The following GABRB2 variants were observed in gnomAD, a reference collection of about 807,000 sequenced individuals.
GABRB2 encodes gamma-aminobutyric acid type A receptor subunit beta2.
GABRB2 carries 16 observed loss-of-function variants against 54.7 expected under a neutral mutation model. The ratio of observed to expected loss-of-function variants is 0.29; its 90% CI spans 0.20 to 0.44. The LOEUF (loss-of-function observed/expected upper bound fraction) is 0.44. GABRB2 is among the 20% of genes least tolerant of loss of function. The probability of loss-of-function intolerance (pLI) is 1.00; values close to 1 mark genes in which losing one functional copy is unlikely to be tolerated. For synonymous variants in GABRB2, 244 were observed against 233.8 expected, an observed-to-expected ratio of 1.04 and a Z score of -0.40; for missense variants, 355 against 644.0, an observed-to-expected ratio of 0.55 and a Z score of 4.86.
chr5:161,546,529 A>C (rs1280846917), intron 1 of GABRB2, 38 bp downstream of exon 1: 7 of 1,582,160 alleles, frequency 4.4e-6, no homozygotes, highest in Non-Finnish European at 6.0e-6. Flanking sequence ...GAACCCTTCA[A>C]AGTGAGAACG....
At position 161,429,345 on chromosome 5, in the gene GABRB2, C is replaced by CAAAAAA. The variant is rs770848428; in HGVS notation, c.459-18294_459-18289dup. ...TGGGCGATAGAGCAAGAATCCGTCT[C>CAAAAAA]AAAAAAAAAAAAAGAAAAAGAAAAA... On this transcript the variant is annotated intron_variant, in intron 4 of 9. Coordinates refer to ENST00000393959, the MANE Select transcript of GABRB2 (RefSeq NM_001371727.1). Among the ~76,000 whole-genome samples the CAAAAAA allele has an allele frequency of 4.1e-4, 13 of 31,424 alleles. 1 individual carries two copies. Among genetic ancestry groups the CAAAAAA allele is most frequent in the East Asian group, 2.5e-3 (2 of 804 alleles). The allele number at this position is 31,424 out of a possible 152,430, so 20.6% of individuals were successfully genotyped here. A position where few individuals can be genotyped will look rare whatever the true frequency, so the allele number is the denominator to read the frequency against.
chr5:161,410,388 T>TCACACACACACACACA (rs1491564761), intron 5 of GABRB2, among the ~76,000 whole-genome samples: 1 of 149,626 alleles, frequency 6.7e-6, no homozygotes, highest in Admixed American at 6.6e-5. Context: ...TAAACAGAAT[T>TCACACACACACACACA]CTCACACACA....
At chr5:161,339,576 T>C (rs1347276981) in intron 5 of GABRB2, among the ~76,000 whole-genome samples, 1 of 152,094 alleles carries the variant, frequency 6.6e-6, no homozygotes, top group Non-Finnish European at 1.5e-5. Flanking sequence ...AAAAAGATAA[T>C]GATAGCAATT....
At chr5:161,321,488 G>A (rs865836021) in intron 9 of GABRB2, among the ~76,000 whole-genome samples, 1 of 151,986 alleles carries the variant, frequency 6.6e-6, no homozygotes, top group South Asian at 2.1e-4. Context: ...GGTCTTTCCT[G>A]TTCCAAAGTT....
At chr5:161,446,043 C>A (rs1162787543) in intron 4 of GABRB2, among the ~76,000 whole-genome samples, 1 of 152,164 alleles carries the variant, frequency 6.6e-6, no homozygotes, top group Non-Finnish European at 1.5e-5. Context: ...ATTACACTTT[C>A]TCCTCCAGTA....
At chr5:161,544,128 G>C (rs1048268537) in intron 3 of GABRB2, among the ~76,000 whole-genome samples, 1 of 152,124 alleles carries the variant, frequency 6.6e-6, no homozygotes, top group Non-Finnish European at 1.5e-5. Context: ...ATAATGTTGA[G>C]AACTAATTTT....
rs1396791059 is a variant in GABRB2, at chr5:161,294,025, C to T, written c.*56G>A. 5 of 1,323,846 alleles carry T rather than the reference C, an allele frequency of 3.8e-6. No individual in the cohort carries two copies. Among genetic ancestry groups the T allele is most frequent in the Non-Finnish European group, 4.3e-6 (4 of 934,476 alleles). The allele number at this position is 1,323,846 out of a possible 1,614,324, so 82.0% of individuals were successfully genotyped here. A position where few individuals can be genotyped will look rare whatever the true frequency, so the allele number is the denominator to read the frequency against. On this transcript the variant is annotated 3_prime_UTR_variant, in exon 10 of 10. Coordinates refer to ENST00000393959, the MANE Select transcript of GABRB2 (RefSeq NM_001371727.1). Reference sequence around the variant, plus strand: ...TGTGTTTTCCAAGTCCTACATCAGGCTGTACAACTGGTTTGAGGAGGAATC... The same window carrying T: ...TGTGTTTTCCAAGTCCTACATCAGGTTGTACAACTGGTTTGAGGAGGAATC...
chr5:161,406,153 A>G (rs1756344327), intron 5 of GABRB2, among the ~76,000 whole-genome samples: 1 of 152,142 alleles, frequency 6.6e-6, no homozygotes. Context: ...CCATGAAGGG[A>G]TTATATTTAT....
At position 161,361,846 on chromosome 5, in the gene GABRB2, T is replaced by C. The variant is rs540046900; in HGVS notation, c.542-25077A>G. On this transcript the variant is annotated intron_variant, in intron 5 of 9. Coordinates refer to ENST00000393959, the MANE Select transcript of GABRB2 (RefSeq NM_001371727.1). ...CTTTATAAAAAATTTAAAAATTATT[T>C]GCCCATACATACCTCCTGAATGGTA... is the stretch of plus-strand genomic sequence containing the variant. Among the ~76,000 whole-genome samples the C allele has an allele frequency of 2.6e-5, 4 of 152,298 alleles. No homozygotes were observed. In the South Asian group the frequency reaches 8.3e-4, roughly 32 times the overall value.
At chr5:161,415,194 C>T (rs1329602712) in intron 4 of GABRB2, among the ~76,000 whole-genome samples, 1 of 152,124 alleles carries the variant, frequency 6.6e-6, no homozygotes, top group Non-Finnish European at 1.5e-5. Context: ...GCTCTGTCTT[C>T]AATCAAAGGA....
chr5:161,289,955 GA>G lies in GABRB2; in HGVS notation c.*4125del, dbSNP rs1298288016. 6.6e-6 allele frequency: 1 copy of G among 152,022 alleles called. No homozygotes were observed. Among genetic ancestry groups the G allele is most frequent in the Non-Finnish European group, 1.5e-5 (1 of 67,950 alleles). The allele number at this position is 152,022 out of a possible 1,614,324, so 9.4% of individuals were successfully genotyped here. ...TTAGTAAAAAATAAATAAAAATTAA[GA>G]AAAAAACTAAACAATTATTTGTATC... On this transcript the variant is annotated 3_prime_UTR_variant, in exon 10 of 10. Coordinates refer to ENST00000393959, the MANE Select transcript of GABRB2 (RefSeq NM_001371727.1).
rs146262031 is a variant in GABRB2 at position 161,416,331 on chromosome 5, T to C, written c.459-5274A>G. On this transcript the variant is annotated intron_variant, in intron 4 of 9. Transcript: ENST00000393959. ...AATAACAAATGACTTTGCCAGCCAA[T>C]ACGAAAACCTCAGAATCATAATCAA... Among the ~76,000 whole-genome samples, 1,118 of 152,126 alleles carry C rather than the reference T, an allele frequency of 7.3e-3. 14 individuals are homozygous for C. The highest frequency in any genetic ancestry group is 0.02 in the Middle Eastern group (6 of 294).
chr5:161,434,963 C>T (rs1039969948), intron 4 of GABRB2, among the ~76,000 whole-genome samples: 2 of 152,152 alleles, frequency 1.3e-5, no homozygotes, highest in African/African-American at 2.4e-5. Flanking sequence ...GTCCCATTCC[C>T]CAGCTGGGTC....
intron 5 of GABRB2, among the ~76,000 whole-genome samples, chr5:161,357,291 T>C (rs1053945935): frequency 6.6e-6 from 1 of 152,048 alleles, no homozygotes; most frequent in Admixed American, 6.6e-5. Context: ...TAGAAAGGCA[T>C]CCGAGGTAGA....
intron 5 of GABRB2, among the ~76,000 whole-genome samples, chr5:161,359,862 C>T (rs1039034406): frequency 6.6e-6 from 1 of 152,128 alleles, no homozygotes; most frequent in Non-Finnish European, 1.5e-5. Flanking sequence ...GCAGGTAGAT[C>T]ACGAGGTCAA....
At chr5:161,547,304 C>A, upstream of GABRB2, among the ~76,000 whole-genome samples, 1 of 78,686 alleles carries the variant, frequency 1.3e-5, no homozygotes, top group Non-Finnish European at 2.2e-5. Flanking sequence ...CTGAGCAACC[C>A]GTTGGATTTG....
At chr5:161,349,484 G>A (rs1431986185) in intron 5 of GABRB2, among the ~76,000 whole-genome samples, 2 of 152,094 alleles carry the variant, frequency 1.3e-5, no homozygotes, top group African/African-American at 4.8e-5. Context: ...GCCCACAAAT[G>A]GTGGAGCTTA....
At chr5:161,387,598 T>C (rs1755686065) in intron 5 of GABRB2, among the ~76,000 whole-genome samples, 1 of 152,132 alleles carries the variant, frequency 6.6e-6, no homozygotes, top group East Asian at 1.9e-4. Flanking sequence ...ATCCATCTAC[T>C]ACCTAGTAAC....
chr5:161,366,569 T>G (rs1754978411), intron 5 of GABRB2, among the ~76,000 whole-genome samples: 1 of 152,306 alleles, frequency 6.6e-6, no homozygotes, highest in Admixed American at 6.5e-5. Context: ...ATTATACTTT[T>G]AGCACAAGGT....
Sources: allele counts gnomAD v4.1 joint callset (sites outside exome capture counted in the v4.1 genomes callset), GRCh38; gene constraint gnomAD v4.1.1; transcripts MANE v1.5; gene names NCBI Gene and HGNC (gene_info 2026-07-23, HGNC 2026-07-21).